DPP10: variants seen among roughly 807,000 people sequenced by gnomAD.
DPP10 encodes the protein dipeptidyl peptidase like 10, also known as inactive dipeptidyl peptidase 10.
Under a neutral mutation model 120.9 loss-of-function variants are expected in DPP10, and 33 were observed. That is an observed-to-expected ratio of 0.27 (90% CI 0.21 to 0.37). DPP10 has a LOEUF of 0.37. DPP10 is among the 10% of genes least tolerant of loss of function. The probability of loss-of-function intolerance (pLI) is 1.00; values close to 1 mark genes in which losing one functional copy is unlikely to be tolerated. For synonymous variants in DPP10, 337 were observed against 326.1 expected (o/e 1.03, Z -0.36); for missense variants, 816 against 942.8 (o/e 0.87, Z 1.76).
At chr2:115,093,161 C>T (rs1426628191) in intron 1 of DPP10, among the ~76,000 whole-genome samples, 1 of 152,100 alleles carries the variant, frequency 6.6e-6, no homozygotes, top group African/African-American at 2.4e-5. Context: ...TGGTAGAAGA[C>T]TTGTGTGAAT....
intron 5 of DPP10, among the ~76,000 whole-genome samples, chr2:115,644,352 C>G (rs551160467): frequency 5.9e-5 from 9 of 152,192 alleles, no homozygotes; most frequent in African/African-American, 2.2e-4. Context: ...GTGATGTTCC[C>G]CTTCTTGTGT....
intron 3 of DPP10, among the ~76,000 whole-genome samples, chr2:115,354,013 T>G (rs1330247122): frequency 6.6e-6 from 1 of 152,192 alleles, no homozygotes; most frequent in Non-Finnish European, 1.5e-5. Flanking sequence ...TGTTTCCATT[T>G]TATTGGAATG....
chr2:114,610,910 C>T lies in DPP10; in HGVS notation c.60+168072C>T, dbSNP rs1043091917. Among the ~76,000 whole-genome samples the T allele has an allele frequency of 4.6e-5, 7 of 152,016 alleles. No individual in the cohort carries two copies. In the South Asian group the frequency reaches 1.5e-3, roughly 32 times the overall value. Reference sequence around the variant, plus strand: ...TCCCTCCCCTCAGGCCACCACCACCCCCCTTCTCCCACGCACCCAGGCTGT... The same window carrying T: ...TCCCTCCCCTCAGGCCACCACCACCTCCCTTCTCCCACGCACCCAGGCTGT... On this transcript the variant is annotated intron_variant, in intron 1 of 25. Transcript: ENST00000410059.
chr2:115,254,259 G>T (rs894654740), intron 1 of DPP10, among the ~76,000 whole-genome samples: 1 of 152,200 alleles, frequency 6.6e-6, no homozygotes, highest in Non-Finnish European at 1.5e-5. Flanking sequence ...AACAAAGAGA[G>T]TGCCAAAGAA....
chr2:115,019,822 A>G (rs1702938432), intron 1 of DPP10, among the ~76,000 whole-genome samples: 1 of 152,260 alleles, frequency 6.6e-6, no homozygotes. Context: ...ATTTCTCAGC[A>G]GAAACTCTAT....
Position 114,957,705 on chromosome 2 carries a change from G to A in DPP10, c.61-351534G>A, listed in dbSNP as rs28797881. On this transcript the variant is annotated intron_variant, in intron 1 of 25. Coordinates refer to ENST00000410059, the MANE Select transcript of DPP10 (RefSeq NM_020868.6). ...TGTGGAACAGACCTAAGTGTACATC[G>A]AAGAATGAATGGATAAAGAAAATGT... Among the ~76,000 whole-genome samples, 479 of 152,222 alleles carry A rather than the reference G, an allele frequency of 3.1e-3. 1 individual carries two copies. The highest frequency in any genetic ancestry group is 0.011 in the African/African-American group (468 of 41,532).
intron 1 of DPP10, among the ~76,000 whole-genome samples, chr2:115,188,463 C>T (rs935785392): frequency 2.0e-5 from 3 of 152,014 alleles, no homozygotes; most frequent in Admixed American, 6.6e-5. Flanking sequence ...GGATCATTTC[C>T]AGAGTAATTT....
intron 1 of DPP10, among the ~76,000 whole-genome samples, chr2:115,305,725 A>G (rs2061334525): frequency 6.6e-6 from 1 of 151,958 alleles, no homozygotes; most frequent in Non-Finnish European, 1.5e-5. Context: ...GTGACAGAGC[A>G]AGACCCTCTC....
intron 1 of DPP10, among the ~76,000 whole-genome samples, chr2:114,700,106 C>T (rs1238805540): frequency 1.3e-5 from 2 of 152,036 alleles, no homozygotes; most frequent in Non-Finnish European, 2.9e-5. Context: ...AATCCTAAAG[C>T]CTGGATCCCC....
chr2:115,444,801 G>A (rs936202683), intron 3 of DPP10, among the ~76,000 whole-genome samples: 2 of 152,186 alleles, frequency 1.3e-5, no homozygotes, highest in Non-Finnish European at 2.9e-5. Flanking sequence ...CTAGATAGCT[G>A]TGTACCTATG....
At chr2:115,283,241 G>A (rs1189788221) in intron 1 of DPP10, among the ~76,000 whole-genome samples, 1 of 151,958 alleles carries the variant, frequency 6.6e-6, no homozygotes, top group Non-Finnish European at 1.5e-5. Context: ...ATTTTTAGAA[G>A]TATATAATAA....
intron 3 of DPP10, among the ~76,000 whole-genome samples, chr2:115,429,682 C>G (rs2070794383): frequency 6.6e-6 from 1 of 152,128 alleles, no homozygotes; most frequent in Non-Finnish European, 1.5e-5. Flanking sequence ...GTAATCTTGT[C>G]TAGAACCTTC....
chr2:115,547,957 C>A (rs575262046), intron 5 of DPP10, among the ~76,000 whole-genome samples: 33 of 152,104 alleles, frequency 2.2e-4, no homozygotes, highest in Middle Eastern at 3.4e-3. Flanking sequence ...TGCTTAATAA[C>A]CCAATTAGAC....
At chr2:115,128,476 T>C (rs1230077878) in intron 1 of DPP10, among the ~76,000 whole-genome samples, 1 of 152,188 alleles carries the variant, frequency 6.6e-6, no homozygotes, top group Admixed American at 6.5e-5. Context: ...ATAATTCCTC[T>C]GAGGAGCACT....
chr2:114,839,931 G>T lies in DPP10; in HGVS notation c.60+397093G>T, dbSNP rs565505193. ...CACTCAGGGCTTACAACTGAAAAAA[G>T]AATCTGGCAATTTTATGCATGAAAA... On this transcript the variant is annotated intron_variant, in intron 1 of 25. Transcript: ENST00000410059. Among the ~76,000 whole-genome samples the T allele has an allele frequency of 5.3e-5, 8 of 152,214 alleles. No homozygotes were observed. The South Asian group carries it at 1.2e-3, about 24-fold the overall frequency.
chr2:115,094,471 C>T (rs901135754), intron 1 of DPP10, among the ~76,000 whole-genome samples: 4 of 152,134 alleles, frequency 2.6e-5, no homozygotes, highest in African/African-American at 9.6e-5. Flanking sequence ...CTCTAACTTA[C>T]ATCACATGGT....
intron 1 of DPP10, among the ~76,000 whole-genome samples, chr2:115,133,350 A>G (rs2050482032): frequency 6.6e-6 from 1 of 151,478 alleles, no homozygotes; most frequent in South Asian, 2.1e-4. Context: ...TTGGCCAGGA[A>G]CATTTCTGTT....
At chr2:114,915,375 A>G (rs550478053) in intron 1 of DPP10, among the ~76,000 whole-genome samples, 9 of 152,198 alleles carry the variant, frequency 5.9e-5, no homozygotes, top group Non-Finnish European at 1.0e-4. Context: ...GTTCTTGAAG[A>G]CTTAGTTAAC....
chr2:114,633,248 C>CTTTTTTTTTTTTTTTT (rs35372708), intron 1 of DPP10, among the ~76,000 whole-genome samples: 15 of 72,802 alleles, frequency 2.1e-4, no homozygotes, highest in East Asian at 8.2e-4. Flanking sequence ...GTTTTTCTTT[C>CTTTTTTTTTTTTTTTT]TTTTTTTTTT....
Sources: allele counts gnomAD v4.1 joint callset (sites outside exome capture counted in the v4.1 genomes callset), GRCh38; gene constraint gnomAD v4.1.1; transcripts MANE v1.5; gene names NCBI Gene and HGNC (gene_info 2026-07-23, HGNC 2026-07-21).